The following GIGYF2 variants were observed in gnomAD, a reference collection of about 807,000 sequenced individuals.
GIGYF2 encodes GRB10-interacting GYF protein 2.
A neutral mutation model predicts 208.1 loss-of-function variants in GIGYF2; 25 were observed. That is an observed-to-expected ratio of 0.12 (90% CI 0.09 to 0.17). The LOEUF (loss-of-function observed/expected upper bound fraction) is 0.17. GIGYF2 is among the 10% of genes least tolerant of loss of function. The pLI is 1.00. For missense variants in GIGYF2, 1,302 were observed against 1,579.4 expected, an observed-to-expected ratio of 0.82 and a Z score of 2.98; for synonymous variants, 534 against 543.8, an observed-to-expected ratio of 0.98 and a Z score of 0.25.
At chr2:232,754,647 T>C (rs1025134215) in intron 5 of GIGYF2, among the ~76,000 whole-genome samples, 11 of 152,340 alleles carry the variant, frequency 7.2e-5, no homozygotes, top group African/African-American at 2.6e-4. Flanking sequence ...GACCTCATAC[T>C]GTTGTTTAAT....
intron 20 of GIGYF2, 104 bp downstream of exon 20, chr2:232,817,136 G>A: frequency 1.1e-6 from 1 of 905,320 alleles, no homozygotes; most frequent in South Asian, 1.3e-5. Flanking sequence ...ACAGGATTGG[G>A]GTTAGAACCT....
At chr2:232,779,579 T>C (rs1158490806) in intron 8 of GIGYF2, among the ~76,000 whole-genome samples, 1 of 152,208 alleles carries the variant, frequency 6.6e-6, no homozygotes, top group Non-Finnish European at 1.5e-5. Flanking sequence ...CATTTCCACA[T>C]GTCCAAGCCA....
At chr2:232,748,547 A>G (rs1175733365) in intron 4 of GIGYF2, among the ~76,000 whole-genome samples, 1 of 152,228 alleles carries the variant, frequency 6.6e-6, no homozygotes, top group Non-Finnish European at 1.5e-5. Flanking sequence ...GGCCTCCAAA[A>G]GTGCTGGGAT....
chr2:232,819,347 T>C (rs1701007755), intron 20 of GIGYF2, among the ~76,000 whole-genome samples: 1 of 152,224 alleles, frequency 6.6e-6, no homozygotes. Context: ...GTGGGACTTT[T>C]GATCTTCAGA....
intron 2 of GIGYF2, among the ~76,000 whole-genome samples, chr2:232,731,524 T>A (rs1697496365): frequency 6.6e-6 from 1 of 152,230 alleles, no homozygotes; most frequent in Non-Finnish European, 1.5e-5. Flanking sequence ...AACCTTACAA[T>A]TGATGTGGTC....
At chr2:232,840,532 A>G (rs1182105529) in intron 23 of GIGYF2, among the ~76,000 whole-genome samples, 1 of 76,698 alleles carries the variant, frequency 1.3e-5, no homozygotes, top group Non-Finnish European at 3.6e-5. Flanking sequence ...GTGCTCATTC[A>G]TTCATTCATT....
chr2:232,718,908 A>C (rs1050647259), intron 2 of GIGYF2: 1 of 152,070 alleles, frequency 6.6e-6, no homozygotes, highest in Admixed American at 6.6e-5. Flanking sequence ...CAGACTATAC[A>C]TAGTACTGGC....
chr2:232,837,000 G>A (rs1236855087), intron 22 of GIGYF2, among the ~76,000 whole-genome samples: 1 of 152,188 alleles, frequency 6.6e-6, no homozygotes, highest in Non-Finnish European at 1.5e-5. Flanking sequence ...TTTGCTGAAG[G>A]GTGGGCAGAA....
At chr2:232,710,949 C>T (rs555543346) in intron 2 of GIGYF2, among the ~76,000 whole-genome samples, 1 of 151,874 alleles carries the variant, frequency 6.6e-6, no homozygotes, top group Admixed American at 6.6e-5. Context: ...GATCCACCCA[C>T]CTCAGCCTCC....
At chr2:232,770,746 C>T (rs528902715) in intron 8 of GIGYF2, among the ~76,000 whole-genome samples, 1 of 151,834 alleles carries the variant, frequency 6.6e-6, no homozygotes, top group South Asian at 2.1e-4. Flanking sequence ...TGGCTCTAAA[C>T]TGTTTCTTTT....
Position 232,815,755 on chromosome 2 carries a change from C to G in GIGYF2, c.2208+18C>G, listed in dbSNP as rs1700887623. The G allele has an allele frequency of 8.1e-7, 1 of 1,238,220 alleles. No individual in the cohort carries two copies. Among genetic ancestry groups the G allele is most frequent in the African/African-American group, 1.5e-5 (1 of 68,064 alleles). 76.7% of individuals were successfully genotyped at this position (1,238,220 alleles called of 1,614,324 possible). A position where few individuals can be genotyped will look rare whatever the true frequency, so the allele number is the denominator to read the frequency against. On this transcript the variant is annotated intron_variant, in intron 19 of 28. Coordinates refer to ENST00000373563, the MANE Select transcript of GIGYF2 (RefSeq NM_001103146.3). ...CTGCAAAGGTCTGAAACTCATTCTT[C>G]TGCAACAGTGCATTGTCATCTGGCT...
Position 232,857,767 on chromosome 2 carries a change from G to C in GIGYF2, c.*907G>C, listed in dbSNP as rs897254472. The C allele has an allele frequency of 6.6e-6, 1 of 152,592 alleles. No individual in the cohort carries two copies. Among genetic ancestry groups the C allele is most frequent in the Non-Finnish European group, 1.5e-5 (1 of 68,046 alleles). 9.5% of individuals were successfully genotyped at this position (152,592 alleles called of 1,614,324 possible). On this transcript the variant is annotated 3_prime_UTR_variant, in exon 29 of 29. Coordinates refer to ENST00000373563, the MANE Select transcript of GIGYF2 (RefSeq NM_001103146.3). Reference sequence around the variant, plus strand: ...CAGCTAGAATCTTTACCATATGTATGAATTTGTATAATTTCATTTTTGGAT... The same window carrying C: ...CAGCTAGAATCTTTACCATATGTATCAATTTGTATAATTTCATTTTTGGAT...
chr2:232,751,560 A>T (rs1021094649), intron 5 of GIGYF2, among the ~76,000 whole-genome samples: 1 of 152,136 alleles, frequency 6.6e-6, no homozygotes, highest in African/African-American at 2.4e-5. Context: ...TGAGCTTCAT[A>T]TACCAGTTTT....
At chr2:232,728,789 C>T (rs17164) in intron 2 of GIGYF2, among the ~76,000 whole-genome samples, 109,371 of 151,948 alleles carry the variant, frequency 0.72, 40,103 homozygotes, top group East Asian at 0.88. Context: ...CAAAGAAATA[C>T]CAGGATAGTG....
intron 2 of GIGYF2, chr2:232,705,740 G>A (rs1211639545): frequency 6.5e-6 from 1 of 153,520 alleles, no homozygotes; most frequent in East Asian, 1.9e-4. Flanking sequence ...TTTCACTCTT[G>A]TTGCCCAGGC....
chr2:232,803,674 CTTTTTTT>C (rs768507929), intron 14 of GIGYF2, among the ~76,000 whole-genome samples: 1 of 49,926 alleles, frequency 2.0e-5, no homozygotes, highest in African/African-American at 1.3e-4. Context: ...ATTTCTGCTT[CTTTTTTT>C]TTTTTTTTTT....
At chr2:232,710,514 G>T (rs958730612) in intron 2 of GIGYF2, among the ~76,000 whole-genome samples, 2 of 152,174 alleles carry the variant, frequency 1.3e-5, no homozygotes, top group Admixed American at 6.6e-5. Context: ...AGCCCTGGTG[G>T]TTGAGCAAAA....
In GIGYF2 at chr2:232,796,229, G is replaced by C; in HGVS notation, c.1639+8G>C. The C allele has an allele frequency of 1.3e-6, 2 of 1,569,302 alleles. No homozygotes were observed. Among genetic ancestry groups the C allele is most frequent in the Non-Finnish European group, 1.8e-6 (2 of 1,139,076 alleles). On this transcript the variant is annotated splice_region_variant and intron_variant, in intron 14 of 28. Transcript: ENST00000373563. The stretch of plus-strand genomic sequence containing the variant: ...CTCAGGGAGAAATTCAAGGCAAGTT[G>C]TTCCTTTTTCCTTTAAATACTGAAG...
In GIGYF2 at chr2:232,697,406, C is replaced by T. The variant is rs1269643550; in HGVS notation, c.-110+14C>T. On this transcript the variant is annotated intron_variant, in intron 1 of 28. Transcript: ENST00000373563. ...CCCGGACCGCAGGTAACCAGCCGTT[C>T]CGTGTCGCTCCCCTGCCCGGCTCTG... 6.6e-6 allele frequency: 1 copy of T among 152,550 alleles called. No individual in the cohort carries two copies. Among genetic ancestry groups the T allele is most frequent in the African/African-American group, 2.4e-5 (1 of 41,454 alleles). The allele number at this position is 152,550 out of a possible 1,614,324, so 9.4% of individuals were successfully genotyped here. A position where few individuals can be genotyped will look rare whatever the true frequency, so the allele number is the denominator to read the frequency against.
Sources: gnomAD v4.1 joint callset for allele counts (sites outside exome capture counted in the v4.1 genomes callset) on GRCh38, gnomAD v4.1.1 for gene constraint, MANE v1.5 for transcripts, NCBI Gene and HGNC (gene_info 2026-07-23, HGNC 2026-07-21) for gene names.